Variants in ZNF521 observed in about 807,000 individuals in gnomAD.
The protein encoded by ZNF521 is LYST-interacting protein 3.
A neutral mutation model predicts 105.5 loss-of-function variants in ZNF521; 14 were observed. That is an observed-to-expected ratio of 0.13 (90% CI 0.09 to 0.21). The LOEUF is 0.21. Ranked by LOEUF, ZNF521 falls within the 10% of genes least tolerant of loss-of-function variation. ZNF521 has a pLI of 1.00. For synonymous variants in ZNF521, 635 were observed against 606.0 expected (o/e 1.05, Z -0.70); for missense variants, 1,233 against 1,629.7 (o/e 0.76, Z 4.19).
chr18:25,227,795 T>C lies in ZNF521; in HGVS notation c.221-98A>G. On this transcript the variant is annotated intron_variant, in intron 3 of 7. Coordinates refer to ENST00000361524, the MANE Select transcript of ZNF521 (RefSeq NM_015461.3). This position sits in a 1 kb window ranked among gnomAD's most constrained non-coding sequence, Gnocchi z 5.7. Reference sequence around the variant, plus strand: ...ACCAGCACGCAGAGTTGGGCCCTCTTGAATCTTTCAAGAAAAAACAAAATG... The same window carrying C: ...ACCAGCACGCAGAGTTGGGCCCTCTCGAATCTTTCAAGAAAAAACAAAATG... 4 of 1,006,720 alleles carry C rather than the reference T, an allele frequency of 4.0e-6. No individual in the cohort carries two copies. Among genetic ancestry groups the C allele is most frequent in the Non-Finnish European group, 5.7e-6 (4 of 702,388 alleles). The allele number at this position is 1,006,720 out of a possible 1,614,324, so 62.4% of individuals were successfully genotyped here.
chr18:25,316,847 CTTTTT>C (rs200212987), intron 3 of ZNF521, among the ~76,000 whole-genome samples: 63 of 127,028 alleles, frequency 5.0e-4, no homozygotes, highest in Admixed American at 6.4e-4. Flanking sequence ...GCAAGTAAGA[CTTTTT>C]TTTTTTTTTT....
chr18:25,126,397 T>G (rs1419741958), intron 5 of ZNF521, among the ~76,000 whole-genome samples: 2 of 151,922 alleles, frequency 1.3e-5, no homozygotes, highest in Non-Finnish European at 2.9e-5. Context: ...CTCAAATGAA[T>G]AGTTTATTCC....
intron 3 of ZNF521, among the ~76,000 whole-genome samples, chr18:25,249,174 C>T (rs572299201): frequency 3.3e-5 from 5 of 150,316 alleles, no homozygotes; most frequent in East Asian, 2.0e-4. Context: ...TACAGAGTCT[C>T]GCTCTGTCAC....
chr18:25,340,473 A>G (rs1002950417), intron 2 of ZNF521, among the ~76,000 whole-genome samples: 10 of 152,220 alleles, frequency 6.6e-5, no homozygotes, highest in African/African-American at 1.7e-4. Context: ...ATCACAGTGG[A>G]AAGTAAGGCT....
At position 25,276,904 on chromosome 18, in the gene ZNF521, CA is replaced by C. The variant is rs1910064530; in HGVS notation, c.220+45103del. Among the ~76,000 whole-genome samples the C allele has an allele frequency of 2.6e-5, 4 of 152,238 alleles. No homozygotes were observed. In the South Asian group the frequency reaches 8.3e-4, roughly 32 times the overall value. On this transcript the variant is annotated intron_variant, in intron 3 of 7. Transcript: ENST00000361524. ...AATAAGTGTATCTATTACATCAGGCCAGGGGCAGTGGCTCACGCCTATAATC... is the reference window on the plus strand; with the variant it reads ...AATAAGTGTATCTATTACATCAGGCCGGGGCAGTGGCTCACGCCTATAATC...
At chr18:25,203,860 T>A (rs1305478885) in intron 4 of ZNF521, among the ~76,000 whole-genome samples, 2 of 152,234 alleles carry the variant, frequency 1.3e-5, no homozygotes, top group Non-Finnish European at 2.9e-5. Flanking sequence ...AAGCTCATGT[T>A]GAATTGTGAT....
intron 3 of ZNF521, among the ~76,000 whole-genome samples, chr18:25,309,011 C>A (rs114267016): frequency 2.9e-3 from 446 of 152,280 alleles, no homozygotes; most frequent in African/African-American, 0.01. Flanking sequence ...CAGGCACCAA[C>A]TTAAGCTCCA....
intron 5 of ZNF521, among the ~76,000 whole-genome samples, chr18:25,184,856 A>G (rs1179587707): frequency 1.3e-5 from 2 of 152,324 alleles, no homozygotes; most frequent in East Asian, 1.9e-4. Flanking sequence ...TAGTGCCCCT[A>G]AATACACATC....
intron 7 of ZNF521, among the ~76,000 whole-genome samples, chr18:25,081,773 T>C (rs150066215): frequency 6.6e-6 from 1 of 152,362 alleles, no homozygotes; most frequent in East Asian, 1.9e-4. Context: ...AGACGCATTA[T>C]GAATGCTATA....
chr18:25,245,508 A>C (rs2144818876), intron 3 of ZNF521, among the ~76,000 whole-genome samples: 1 of 152,318 alleles, frequency 6.6e-6, no homozygotes, highest in African/African-American at 2.4e-5. Flanking sequence ...AAGACAGGGA[A>C]GAAGGTGGCT....
intron 2 of ZNF521, among the ~76,000 whole-genome samples, chr18:25,322,556 C>CAAAAAAA (rs1311502086): frequency 6.2e-5 from 9 of 146,216 alleles, no homozygotes; most frequent in Non-Finnish European, 9.0e-5. Context: ...AAAAAAAACC[C>CAAAAAAA]CCCCACTGTG....
intron 3 of ZNF521, among the ~76,000 whole-genome samples, chr18:25,313,866 T>C (rs1186369248): frequency 1.3e-5 from 2 of 152,230 alleles, no homozygotes; most frequent in East Asian, 3.9e-4. Flanking sequence ...GCCATGAAAC[T>C]GCATTTTGGG....
chr18:25,243,614 C>G (rs1907500460), intron 3 of ZNF521, among the ~76,000 whole-genome samples: 1 of 152,162 alleles, frequency 6.6e-6, no homozygotes, highest in Non-Finnish European at 1.5e-5. Flanking sequence ...TTTTTAAATT[C>G]TAAGACAAAC....
intron 4 of ZNF521, among the ~76,000 whole-genome samples, chr18:25,207,667 T>C (rs1286066500): frequency 6.6e-6 from 1 of 152,166 alleles, no homozygotes; most frequent in African/African-American, 2.4e-5. Context: ...GCTTTTTATA[T>C]GTACACCTAA....
At chr18:25,278,387 C>T (rs1055066716) in intron 3 of ZNF521, among the ~76,000 whole-genome samples, 6 of 152,202 alleles carry the variant, frequency 3.9e-5, no homozygotes, top group Admixed American at 3.9e-4. Flanking sequence ...ACTCTCTACC[C>T]ACTTTTCCCT....
intron 7 of ZNF521, among the ~76,000 whole-genome samples, chr18:25,065,670 A>G (rs1365414716): frequency 6.6e-6 from 1 of 152,098 alleles, no homozygotes; most frequent in Non-Finnish European, 1.5e-5. Context: ...CATTATTTTC[A>G]AATGTTTAAG....
chr18:25,129,710 A>G (rs902392019), intron 5 of ZNF521, among the ~76,000 whole-genome samples: 1 of 152,120 alleles, frequency 6.6e-6, no homozygotes, highest in African/African-American at 2.4e-5. Flanking sequence ...GAAGATACAC[A>G]GATGGCAAAT....
chr18:25,248,988 T>C (rs1321691307), intron 3 of ZNF521, among the ~76,000 whole-genome samples: 1 of 152,210 alleles, frequency 6.6e-6, no homozygotes, highest in African/African-American at 2.4e-5. Flanking sequence ...TGACTGGTTG[T>C]GACAGAAACC....
chr18:25,259,433 T>C (rs375455472), intron 3 of ZNF521, among the ~76,000 whole-genome samples: 2 of 152,188 alleles, frequency 1.3e-5, no homozygotes, highest in African/African-American at 4.8e-5. Context: ...CCAACAAATA[T>C]GTACACTGTG....
Sources: allele counts gnomAD v4.1 joint callset (sites outside exome capture counted in the v4.1 genomes callset), GRCh38; gene constraint gnomAD v4.1.1; non-coding constraint Gnocchi (gnomAD v3.1); transcripts MANE v1.5; gene names NCBI Gene and HGNC (gene_info 2026-07-23, HGNC 2026-07-21).